Variants in LRRIQ3 observed in about 807,000 individuals in gnomAD.
LRRIQ3 encodes the protein leucine-rich repeat and IQ domain-containing protein 3.
Under a neutral mutation model 59.3 loss-of-function variants are expected in LRRIQ3, and 75 were observed. The ratio of observed to expected loss-of-function variants is 1.26; its 90% CI spans 1.05 to 1.53. LRRIQ3 has a LOEUF of 1.53. Among genes scored for constraint, LRRIQ3 ranks in the 40% most tolerant of loss-of-function variants. The pLI is 0.00. For synonymous variants in LRRIQ3, 250 were observed against 231.3 expected (o/e 1.08, Z -0.73); for missense variants, 831 against 710.0 (o/e 1.17, Z -1.94).
intron 4 of LRRIQ3, among the ~76,000 whole-genome samples, chr1:74,134,119 A>T (rs1444190111): frequency 1.3e-5 from 2 of 152,054 alleles, no homozygotes; most frequent in African/African-American, 4.8e-5. Flanking sequence ...TAAAATATAG[A>T]GGTCTTCTGT....
chr1:74,121,145 C>G (rs1646849131), intron 4 of LRRIQ3, among the ~76,000 whole-genome samples: 1 of 152,078 alleles, frequency 6.6e-6, no homozygotes. Context: ...AGAAATAAAA[C>G]TACTTGAGAA....
intron 3 of LRRIQ3, among the ~76,000 whole-genome samples, chr1:74,173,310 A>G (rs1355678715): frequency 6.6e-6 from 1 of 151,650 alleles, no homozygotes; most frequent in African/African-American, 2.4e-5. Context: ...AAAAAAAAAA[A>G]AATCCATTCA....
At chr1:74,074,927 AG>A (rs1044577742) in intron 5 of LRRIQ3, 137 bp from the exon 6 acceptor site, 3 of 382,464 alleles carry the variant, frequency 7.8e-6, no homozygotes, top group Non-Finnish European at 1.4e-5. Flanking sequence ...TGAGGTAGGC[AG>A]GGTTAAGAAA....
At chr1:74,184,301 T>G (rs769355922) in intron 1 of LRRIQ3, among the ~76,000 whole-genome samples, 1 of 152,148 alleles carries the variant, frequency 6.6e-6, no homozygotes, top group Non-Finnish European at 1.5e-5. Context: ...TAAATTTATC[T>G]AAAATATTTG....
intron 5 of LRRIQ3, among the ~76,000 whole-genome samples, chr1:74,077,934 A>G (rs992871705): frequency 6.6e-6 from 1 of 152,014 alleles, no homozygotes; most frequent in South Asian, 2.1e-4. Context: ...TCAATAACAG[A>G]AAGTATATTT....
rs569835613 is a variant in LRRIQ3 at position 74,073,960 on chromosome 1, G to C, written c.997+701C>G. Reference sequence around the variant, plus strand: ...CACATTTAAAACTAAAATTTTATCAGCAATAAGACAATAGGCATTTTTATT... The same window carrying C: ...CACATTTAAAACTAAAATTTTATCACCAATAAGACAATAGGCATTTTTATT... On this transcript the variant is annotated intron_variant, in intron 6 of 7. Coordinates refer to ENST00000354431, the MANE Select transcript of LRRIQ3 (RefSeq NM_001105659.2). 2.6e-5 allele frequency among the ~76,000 whole-genome samples: 4 copies of C among 152,110 alleles called. No homozygotes were observed. The East Asian group carries it at 7.7e-4, about 29-fold the overall frequency.
chr1:74,061,305 A>G (rs1026387426), intron 6 of LRRIQ3, among the ~76,000 whole-genome samples: 2 of 152,212 alleles, frequency 1.3e-5, no homozygotes, highest in Non-Finnish European at 2.9e-5. Context: ...ATGGAAAAAC[A>G]TTCCATGTTC....
In LRRIQ3 at chr1:74,108,595, G is replaced by A. The variant is rs1300461780; in HGVS notation, c.867+799C>T. On this transcript the variant is annotated intron_variant, in intron 5 of 7. Transcript: ENST00000354431. The stretch of plus-strand genomic sequence containing the variant: ...TGCTAATGTAATAGAAATATTTGTA[G>A]TTTAGGCTACTCAAGCAGAGAGCCA... Among the ~76,000 whole-genome samples, 3 of 151,706 alleles carry A rather than the reference G, an allele frequency of 2.0e-5. No homozygotes were observed. The Admixed American group carries it at 2.0e-4, about 10-fold the overall frequency.
At chr1:74,140,016 A>G (rs1335688396) in intron 4 of LRRIQ3, among the ~76,000 whole-genome samples, 1 of 151,878 alleles carries the variant, frequency 6.6e-6, no homozygotes, top group African/African-American at 2.4e-5. Context: ...TATGAGGGAG[A>G]AAATTTACAG....
chr1:74,098,579 ACC>A (rs1301509265), intron 5 of LRRIQ3, among the ~76,000 whole-genome samples: 3 of 152,168 alleles, frequency 2.0e-5, no homozygotes, highest in Admixed American at 2.0e-4. Context: ...AGAACTCTCC[ACC>A]CCAGATCAAC....
chr1:74,053,313 AT>A (rs1654426930), intron 6 of LRRIQ3, among the ~76,000 whole-genome samples: 1 of 152,134 alleles, frequency 6.6e-6, no homozygotes, highest in African/African-American at 2.4e-5. Flanking sequence ...GAAATCCTAT[AT>A]AATTTTGAGT....
At chr1:74,180,668 T>C (rs1160745147) in intron 3 of LRRIQ3, 2 of 1,523,206 alleles carry the variant, frequency 1.3e-6, no homozygotes, top group African/African-American at 1.4e-5. Context: ...CTGTCTGTCA[T>C]TTGTGATGCA....
chr1:74,182,454 T>C (rs910958335), intron 3 of LRRIQ3, 84 bp downstream of exon 3: 18 of 714,350 alleles, frequency 2.5e-5, no homozygotes, highest in Non-Finnish European at 3.5e-5. Context: ...TTAAAAAGTT[T>C]ATATAATTTA....
chr1:74,120,822 A>G (rs1319115425), intron 4 of LRRIQ3, among the ~76,000 whole-genome samples: 1 of 152,128 alleles, frequency 6.6e-6, no homozygotes, highest in East Asian at 1.9e-4. Flanking sequence ...TAACATGATT[A>G]CATTTTCTCC....
At chr1:74,071,709 C>A (rs1655033566) in intron 6 of LRRIQ3, among the ~76,000 whole-genome samples, 1 of 152,078 alleles carries the variant, frequency 6.6e-6, no homozygotes, top group Non-Finnish European at 1.5e-5. Context: ...AAGAAAGGCA[C>A]ATATGTTTTG....
chr1:74,118,631 G>A (rs562943752), intron 4 of LRRIQ3, among the ~76,000 whole-genome samples: 11 of 151,998 alleles, frequency 7.2e-5, no homozygotes, highest in African/African-American at 1.2e-4. Context: ...TATTGCTGGC[G>A]TAAGAGTGTA....
At chr1:74,103,787 TC>T (rs545705860) in intron 5 of LRRIQ3, among the ~76,000 whole-genome samples, 242 of 134,834 alleles carry the variant, frequency 1.8e-3, no homozygotes, top group African/African-American at 5.8e-3. Context: ...CCTCTGTCCT[TC>T]CCCCCCCCGC....
intron 4 of LRRIQ3, among the ~76,000 whole-genome samples, chr1:74,114,516 C>G (rs1646750826): frequency 6.6e-6 from 1 of 151,926 alleles, no homozygotes; most frequent in Non-Finnish European, 1.5e-5. Flanking sequence ...GTGGGTAGAT[C>G]ATGAGGTCAG....
At chr1:74,109,005 C>G (rs545043461) in intron 5 of LRRIQ3, 1 of 261,780 alleles carries the variant, frequency 3.8e-6, no homozygotes, top group African/African-American at 2.3e-5. Context: ...ACTGGGTCCT[C>G]AAAGCAATTT....
Sources: allele counts gnomAD v4.1 joint callset (sites outside exome capture counted in the v4.1 genomes callset), GRCh38; gene constraint gnomAD v4.1.1; transcripts MANE v1.5; gene names NCBI Gene and HGNC (gene_info 2026-07-23, HGNC 2026-07-21).